USP54: variants seen among roughly 807,000 people sequenced by gnomAD.
USP54 encodes ubiquitin specific peptidase 54, also known as ubiquitin carboxyl-terminal hydrolase 54.
USP54 carries 87 observed loss-of-function variants against 170.5 expected under a neutral mutation model. The observed-to-expected ratio is 0.51, with a 90% CI of 0.43 to 0.61. The LOEUF is 0.61. USP54 is among the 20% of genes least tolerant of loss of function. The probability of loss-of-function intolerance (pLI) is 0.00; values close to 1 mark genes in which losing one functional copy is unlikely to be tolerated. For missense variants in USP54, 1,786 were observed against 2,047.8 expected (o/e 0.87, Z 2.47); for synonymous variants, 655 against 742.8 (o/e 0.88, Z 1.92).
At position 73,517,084 on chromosome 10, in the gene USP54, A is replaced by G. The variant is rs374145827; in HGVS notation, c.3342T>C (p.Ser1114=). The G allele has an allele frequency of 6.2e-6, 10 of 1,614,220 alleles. No homozygotes were observed. The highest frequency in any genetic ancestry group is 1.7e-5 in the Admixed American group (1 of 60,028). Residue 1114 remains serine (S), a synonymous_variant, in exon 20 of 24, where the codon AGT becomes AGC. Coordinates refer to ENST00000687698, the MANE Select transcript of USP54 (RefSeq NM_001391956.1). ...TSLTLKVDRG[S]EETYRPEFPS... ...GAAACTCTGGCCTATAGGTCTCCTC[A>G]CTGCCTCTGTCCACTTTTAAAGTCA...
intron 1 of USP54, among the ~76,000 whole-genome samples, chr10:73,582,364 T>C (rs1031896412): frequency 6.6e-6 from 1 of 151,702 alleles, no homozygotes; most frequent in Non-Finnish European, 1.5e-5. Flanking sequence ...AGGTGTAAAG[T>C]GTGGGAAGTT....
intron 1 of USP54, among the ~76,000 whole-genome samples, chr10:73,579,607 A>T (rs2076604297): frequency 6.6e-6 from 1 of 151,904 alleles, no homozygotes; most frequent in African/African-American, 2.4e-5. Flanking sequence ...TTACAAAAAA[A>T]TTAGCTGGGT....
At position 73,541,255 on chromosome 10, in the gene USP54, T is replaced by C. The variant is rs1590187618; in HGVS notation, c.825+120A>G. 9.2e-6 allele frequency: 13 copies of C among 1,406,456 alleles called. No individual in the cohort carries two copies. The East Asian group carries it at 3.1e-4, about 33-fold the overall frequency. 87.1% of individuals were successfully genotyped at this position (1,406,456 alleles called of 1,614,324 possible). On this transcript the variant is annotated intron_variant, in intron 9 of 23. Coordinates refer to ENST00000687698, the MANE Select transcript of USP54 (RefSeq NM_001391956.1). ...GTATCTGTACACAAATAAGTTTATCTGTCCAAAACATTATAATACTTGTCA... is the reference window on the plus strand; with the variant it reads ...GTATCTGTACACAAATAAGTTTATCCGTCCAAAACATTATAATACTTGTCA...
rs926852743 is a variant in USP54, at chr10:73,498,401, G to A, written c.*228C>T. 1.4e-4 allele frequency: 36 copies of A among 266,440 alleles called. No individual in the cohort carries two copies. Among genetic ancestry groups the A allele is most frequent in the African/African-American group, 5.5e-4 (25 of 45,234 alleles). The allele number at this position is 266,440 out of a possible 1,614,324, so 16.5% of individuals were successfully genotyped here. On this transcript the variant is annotated 3_prime_UTR_variant, in exon 24 of 24. Coordinates refer to ENST00000687698, the MANE Select transcript of USP54 (RefSeq NM_001391956.1). ...AGCAATTCTCCTGCCTCAGCCTTCC[G>A]AGTAGTTGGGACTACAGGCACGCAC...
chr10:73,566,183 T>G (rs185294613), intron 4 of USP54, among the ~76,000 whole-genome samples: 100 of 151,970 alleles, frequency 6.6e-4, no homozygotes, highest in African/African-American at 2.2e-3. Flanking sequence ...TGAGCTGAGA[T>G]CGCACCATTG....
At chr10:73,625,621 C>A (rs2081474642) in exon 1 of USP54, 1 of 152,590 alleles carries the variant, frequency 6.6e-6, no homozygotes, top group South Asian at 2.1e-4. Flanking sequence ...GTAGCCTGGT[C>A]CCTTTATCCA....
At chr10:73,525,848 A>G (rs975457163) in intron 16 of USP54, among the ~76,000 whole-genome samples, 3 of 152,228 alleles carry the variant, frequency 2.0e-5, no homozygotes, top group African/African-American at 7.2e-5. Context: ...TCTTCCTGCT[A>G]CCTCTAAGAA....
chr10:73,545,437 A>G (rs988418141), intron 5 of USP54, 101 bp downstream of exon 5: 49 of 1,442,928 alleles, frequency 3.4e-5, no homozygotes, highest in Admixed American at 6.4e-5. Flanking sequence ...CTAACTGTAG[A>G]GATAAGGGCA....
At chr10:73,559,691 G>C (rs996470767) in intron 4 of USP54, among the ~76,000 whole-genome samples, 29 of 150,676 alleles carry the variant, frequency 1.9e-4, no homozygotes, top group South Asian at 4.2e-4. Context: ...TCGCACCACT[G>C]CACTACAGCC....
intron 20 of USP54, among the ~76,000 whole-genome samples, chr10:73,507,631 G>A (rs570953565): frequency 7.8e-6 from 1 of 128,142 alleles, no homozygotes; most frequent in South Asian, 2.5e-4. Context: ...TCAACATCAC[G>A]CCACTGAACT....
intron 1 of USP54, among the ~76,000 whole-genome samples, chr10:73,619,907 CA>C (rs1478061624): frequency 2.0e-5 from 3 of 150,620 alleles, no homozygotes; most frequent in Non-Finnish European, 4.4e-5. Context: ...TATAACTCTA[CA>C]GTAATTATTA....
Position 73,526,687 on chromosome 10 carries a change from T to C in USP54, c.2154A>G (p.Thr718=), listed in dbSNP as rs1005607806. The change falls in exon 16 of 24, where the codon ACA becomes ACG. Residue 718 remains threonine, a synonymous_variant. Transcript: ENST00000687698. ...HSSSILEVDS[T]ASMGGWTKSQ... is the part of the protein sequence containing the mutation. ...TCTTTGTCCAGCCACCCATGGATGC[T>C]GTGGAGTCTACCTCCAGGATGCTAC... 1 of 1,614,194 alleles carries C rather than the reference T, an allele frequency of 6.2e-7. No individual in the cohort carries two copies. Among genetic ancestry groups the C allele is most frequent in the Non-Finnish European group, 8.5e-7 (1 of 1,180,020 alleles).
chr10:73,591,426 A>C (rs2078243170), upstream of USP54: 1 of 152,236 alleles, frequency 6.6e-6, no homozygotes. Flanking sequence ...GCTAGCAACA[A>C]TGAGAAACTG....
At chr10:73,610,397 G>A (rs1012001937) in intron 1 of USP54, among the ~76,000 whole-genome samples, 9 of 152,114 alleles carry the variant, frequency 5.9e-5, no homozygotes, top group East Asian at 3.9e-4. Flanking sequence ...CAAGGTGGGC[G>A]GATCACTCGA....
intron 1 of USP54, among the ~76,000 whole-genome samples, chr10:73,587,409 A>T (rs2077629107): frequency 6.6e-6 from 1 of 152,044 alleles, no homozygotes; most frequent in Admixed American, 6.6e-5. Context: ...TGGGAGGCGG[A>T]GCTTGCAGTG....
chr10:73,590,912 C>T (rs1410228100), intron 1 of USP54, among the ~76,000 whole-genome samples: 4 of 152,032 alleles, frequency 2.6e-5, no homozygotes, highest in Admixed American at 6.6e-5. Flanking sequence ...AAAGAAATCA[C>T]AAATAACCTT....
At chr10:73,612,522 A>G (rs1039988051) in intron 1 of USP54, among the ~76,000 whole-genome samples, 12 of 152,134 alleles carry the variant, frequency 7.9e-5, no homozygotes, top group Non-Finnish European at 1.3e-4. Context: ...CAAACTAGAA[A>G]AAACATTGCC....
chr10:73,541,229 G>A (rs2066537648), intron 9 of USP54, 146 bp downstream of exon 9: 1 of 1,191,986 alleles, frequency 8.4e-7, no homozygotes, highest in Non-Finnish European at 1.1e-6. Flanking sequence ...TGCAAGCACG[G>A]GTATCTGTAC....
At chr10:73,528,314 C>T (rs1382196317) in intron 15 of USP54, among the ~76,000 whole-genome samples, 1 of 150,470 alleles carries the variant, frequency 6.6e-6, no homozygotes, top group Non-Finnish European at 1.5e-5. Flanking sequence ...TGCAATGGCA[C>T]GATCTTGGCT....
Sources: gnomAD v4.1 joint callset for allele counts (sites outside exome capture counted in the v4.1 genomes callset) on GRCh38, gnomAD v4.1.1 for gene constraint, MANE v1.5 for transcripts, NCBI Gene and HGNC (gene_info 2026-07-23, HGNC 2026-07-21) for gene names.